The following PDE4D variants were observed in gnomAD, a reference collection of about 807,000 sequenced individuals.
The protein encoded by PDE4D is 3',5'-cyclic-AMP phosphodiesterase 4D.
PDE4D carries 24 observed loss-of-function variants against 87.4 expected under a neutral mutation model. The observed-to-expected ratio is 0.27, with a 90% CI of 0.20 to 0.39. The LOEUF (loss-of-function observed/expected upper bound fraction) is 0.39. Ranked by LOEUF, PDE4D falls within the 10% of genes least tolerant of loss-of-function variation. The pLI, the probability that PDE4D is intolerant of heterozygous loss-of-function variation, is 1.00. For missense variants in PDE4D, 714 were observed against 1,041.0 expected (o/e 0.69, Z 4.32); for synonymous variants, 384 against 383.2 (o/e 1.00, Z -0.02).
In PDE4D at chr5:60,402,158, G is replaced by C. The variant is rs1343212944; in HGVS notation, c.-90+85784C>G. Among the ~76,000 whole-genome samples, 4 of 152,286 alleles carry C rather than the reference G, an allele frequency of 2.6e-5. No homozygotes were observed. The South Asian group carries it at 8.3e-4, about 32-fold the overall frequency. On this transcript the variant is annotated intron_variant, in intron 1 of 16. Coordinates refer to the PDE4D transcript ENST00000502484. ...CTTTGTTCCAGCAATGCCTGAAATA[G>C]CAATAATGTGAGAACAATAATTCCA... is the stretch of plus-strand genomic sequence containing the variant.
chr5:60,282,165 T>C (rs1422071363), intron 1 of PDE4D, among the ~76,000 whole-genome samples: 1 of 148,830 alleles, frequency 6.7e-6, no homozygotes, highest in Admixed American at 6.8e-5. Context: ...CAGAAATTCA[T>C]GTGATACAGA....
At chr5:59,988,432 G>A in intron 3 of PDE4D, 1 of 1,167,966 alleles carries the variant, frequency 8.6e-7, no homozygotes, top group Non-Finnish European at 1.2e-6. Context: ...AAAGACCACA[G>A]ACAACAATCA....
At chr5:60,497,989 C>T (rs895171498) in intron 1 of PDE4D, among the ~76,000 whole-genome samples, 6 of 152,304 alleles carry the variant, frequency 3.9e-5, no homozygotes, top group South Asian at 4.1e-4. Context: ...TCTCCTTGGT[C>T]GTCTGCTTCA....
At chr5:59,968,894 T>A (rs753046528) in intron 3 of PDE4D, among the ~76,000 whole-genome samples, 2 of 152,150 alleles carry the variant, frequency 1.3e-5, no homozygotes, top group Non-Finnish European at 2.9e-5. Flanking sequence ...CGTGATAATG[T>A]ATTATTCTCC....
At chr5:59,984,307 C>T (rs1421777619) in intron 3 of PDE4D, among the ~76,000 whole-genome samples, 1 of 152,138 alleles carries the variant, frequency 6.6e-6, no homozygotes. Flanking sequence ...TTCTATGCCA[C>T]GTTCATAACA....
intron 2 of PDE4D, among the ~76,000 whole-genome samples, chr5:59,997,442 C>T (rs1464566370): frequency 1.3e-5 from 2 of 152,018 alleles, no homozygotes; most frequent in African/African-American, 4.8e-5. Flanking sequence ...TATTTAAATA[C>T]CAATACCAAT....
chr5:59,068,545 T>A (rs1300553658), intron 5 of PDE4D, among the ~76,000 whole-genome samples: 1 of 152,078 alleles, frequency 6.6e-6, no homozygotes, highest in Non-Finnish European at 1.5e-5. Context: ...GCAAAGAATG[T>A]CAACAACAAA....
At chr5:60,179,764 T>C (rs1784231583) in intron 2 of PDE4D, among the ~76,000 whole-genome samples, 2 of 152,126 alleles carry the variant, frequency 1.3e-5, no homozygotes, top group Admixed American at 1.3e-4. Context: ...TTTCAAAACA[T>C]TTGCCATTTC....
intron 1 of PDE4D, among the ~76,000 whole-genome samples, chr5:59,812,672 CAA>C (rs34526503): frequency 1.4e-5 from 2 of 138,394 alleles, no homozygotes; most frequent in Non-Finnish European, 1.6e-5. Context: ...GACTCCATCT[CAA>C]AAAAAAAAAA....
At chr5:60,465,295 T>A (rs941228031) in intron 1 of PDE4D, among the ~76,000 whole-genome samples, 2 of 152,200 alleles carry the variant, frequency 1.3e-5, no homozygotes, top group African/African-American at 4.8e-5. Context: ...CTTTTCACTA[T>A]GCTTTAGATC....
At chr5:59,324,608 T>C (rs994607669) in intron 1 of PDE4D, among the ~76,000 whole-genome samples, 2 of 152,160 alleles carry the variant, frequency 1.3e-5, no homozygotes, top group Non-Finnish European at 2.9e-5. Context: ...TATCTGCATG[T>C]AATAGGTGGA....
chr5:59,395,064 C>A (rs899677896), intron 1 of PDE4D, among the ~76,000 whole-genome samples: 16 of 152,226 alleles, frequency 1.1e-4, no homozygotes, highest in African/African-American at 3.1e-4. Flanking sequence ...TATCCCGCAC[C>A]TGGCTGGGAG....
intron 1 of PDE4D, among the ~76,000 whole-genome samples, chr5:59,477,158 A>T (rs1280022448): frequency 6.6e-6 from 1 of 151,882 alleles, no homozygotes; most frequent in Non-Finnish European, 1.5e-5. Flanking sequence ...ATTAGAAAAA[A>T]TTTGGTAGTG....
In PDE4D at chr5:60,114,030, C is replaced by T. The variant is rs117868316; in HGVS notation, c.42+71527G>A. On this transcript the variant is annotated intron_variant, in intron 2 of 16. Coordinates refer to the PDE4D transcript ENST00000502484. ...CCTAATAACAGTGGAAAATGTTTAA[C>T]TAAACTCTGTTGAAATAAATTATAC... Among the ~76,000 whole-genome samples the T allele has an allele frequency of 1.3e-4, 20 of 152,188 alleles. No homozygotes were observed. In the East Asian group the frequency reaches 3.9e-3, roughly 29 times the overall value.
At chr5:59,845,457 T>C (rs999318772) in intron 1 of PDE4D, among the ~76,000 whole-genome samples, 12 of 152,100 alleles carry the variant, frequency 7.9e-5, no homozygotes, top group Admixed American at 7.2e-4. Flanking sequence ...TGCATGTCTC[T>C]TGCATGATAA....
intron 1 of PDE4D, among the ~76,000 whole-genome samples, chr5:59,726,939 G>A (rs1456740196): frequency 6.6e-6 from 1 of 151,944 alleles, no homozygotes; most frequent in Non-Finnish European, 1.5e-5. Flanking sequence ...CGCCTGCTAT[G>A]TGCCAGGCAA....
At chr5:60,499,930 T>C (rs1445321941) in intron 1 of PDE4D, among the ~76,000 whole-genome samples, 1 of 152,234 alleles carries the variant, frequency 6.6e-6, no homozygotes, top group Non-Finnish European at 1.5e-5. Flanking sequence ...CTACATTTAA[T>C]TGGTTTTGTT....
chr5:59,202,033 A>ATTTTTTTTTTTTTTTTTTTTTATTTT (rs10641798), intron 2 of PDE4D, among the ~76,000 whole-genome samples: 1 of 95,258 alleles, frequency 1.0e-5, no homozygotes, highest in African/African-American at 4.3e-5. Context: ...TGTTTTGATC[A>ATTTTTTTTTTTTTTTTTTTTTATTTT]TTTTTTTTTT....
intron 3 of PDE4D, among the ~76,000 whole-genome samples, chr5:59,973,572 GT>G (rs1159163212): frequency 6.6e-6 from 1 of 152,080 alleles, no homozygotes; most frequent in Non-Finnish European, 1.5e-5. Context: ...TCTCATCTCA[GT>G]TTTTTTCAGT....
Sources: gnomAD v4.1 joint callset for allele counts (sites outside exome capture counted in the v4.1 genomes callset) on GRCh38, gnomAD v4.1.1 for gene constraint, MANE v1.5 for transcripts, NCBI Gene and HGNC (gene_info 2026-07-23, HGNC 2026-07-21) for gene names.